The following STAP1 variants were observed in gnomAD, a reference collection of about 807,000 sequenced individuals.
The protein encoded by STAP1 is signal transducing adaptor family member 1.
STAP1 carries 30 observed loss-of-function variants against 37.8 expected under a neutral mutation model. The observed-to-expected ratio is 0.79, with a 90% CI of 0.59 to 1.08. The LOEUF (loss-of-function observed/expected upper bound fraction) is 1.08. Ranked by LOEUF, STAP1 falls within the 50% of genes least tolerant of loss-of-function variation. STAP1 has a pLI of 0.00. For missense variants in STAP1, 357 were observed against 349.4 expected (o/e 1.02, Z -0.17); for synonymous variants, 130 against 116.0 (o/e 1.12, Z -0.78).
At chr4:67,605,008 T>C (rs1330020263) in intron 8 of STAP1, among the ~76,000 whole-genome samples, 1 of 152,212 alleles carries the variant, frequency 6.6e-6, no homozygotes, top group African/African-American at 2.4e-5. Flanking sequence ...AGCCTGGAAT[T>C]TGTGTCACTT....
At chr4:67,584,116 A>AAAAAG in intron 6 of STAP1, among the ~76,000 whole-genome samples, 1 of 134,128 alleles carries the variant, frequency 7.5e-6, no homozygotes, top group South Asian at 2.3e-4. Flanking sequence ...AAAAAAAAAA[A>AAAAAG]GAACACAAGA....
chr4:67,588,347 C>T lies in STAP1; in HGVS notation c.660-2537C>T, dbSNP rs538915011. ...CCTCCCACAGCTTTGCCATAGACGACGACGACGATGATGATGATGATGATG... is the reference window on the plus strand; with the variant it reads ...CCTCCCACAGCTTTGCCATAGACGATGACGACGATGATGATGATGATGATG... On this transcript the variant is annotated intron_variant, in intron 6 of 8. Transcript: ENST00000265404. 1.9e-3 allele frequency among the ~76,000 whole-genome samples: 243 copies of T among 128,600 alleles called. 3 individuals are homozygous for T. The highest frequency in any genetic ancestry group is 3.5e-3 in the African/African-American group (136 of 38,662). The allele number at this position is 128,600 out of a possible 152,430, so 84.4% of individuals were successfully genotyped here. A position where few individuals can be genotyped will look rare whatever the true frequency, so the allele number is the denominator to read the frequency against.
At chr4:67,577,067 A>G in intron 3 of STAP1, 136 bp from the exon 4 acceptor site, 2 of 620,154 alleles carry the variant, frequency 3.2e-6, no homozygotes, top group South Asian at 3.5e-5. Context: ...TATTTCATAA[A>G]AAATACACAT....
intron 2 of STAP1, among the ~76,000 whole-genome samples, chr4:67,574,835 A>C (rs990067912): frequency 6.6e-6 from 1 of 152,212 alleles, no homozygotes; most frequent in African/African-American, 2.4e-5. Flanking sequence ...GGACATCAAC[A>C]AAATAATAAA....
At chr4:67,605,429 C>A (rs1728431165) in intron 8 of STAP1, among the ~76,000 whole-genome samples, 1 of 146,626 alleles carries the variant, frequency 6.8e-6, no homozygotes, top group Non-Finnish European at 1.5e-5. Context: ...TAGAAACAGA[C>A]AACCAGATTG....
In STAP1 at chr4:67,606,539, A is replaced by G. The variant is rs1308887707; in HGVS notation, c.*182A>G. ...TCATTATCTTATCAGAATGAAACCAATTCACAGGGAAACTAGAGACTACGG... is the reference window on the plus strand; with the variant it reads ...TCATTATCTTATCAGAATGAAACCAGTTCACAGGGAAACTAGAGACTACGG... On this transcript the variant is annotated 3_prime_UTR_variant, in exon 9 of 9. Transcript: ENST00000265404. 1.6e-5 allele frequency: 9 copies of G among 551,912 alleles called. No homozygotes were observed. Among genetic ancestry groups the G allele is most frequent in the Non-Finnish European group, 2.5e-5 (8 of 322,266 alleles). The allele number at this position is 551,912 out of a possible 1,614,324, so 34.2% of individuals were successfully genotyped here. A position where few individuals can be genotyped will look rare whatever the true frequency, so the allele number is the denominator to read the frequency against.
At position 67,606,590 on chromosome 4, in the gene STAP1, A is replaced by T. The variant is rs1728454209; in HGVS notation, c.*233A>T. On this transcript the variant is annotated 3_prime_UTR_variant, in exon 9 of 9. Coordinates refer to ENST00000265404, the MANE Select transcript of STAP1 (RefSeq NM_012108.4). ...CTGTGGTGGTAACCTGCAGATATAC[A>T]CATTCCCATGCACTGACATAAGTTG... 1 of 416,180 alleles carries T rather than the reference A, an allele frequency of 2.4e-6. No individual in the cohort carries two copies. Among genetic ancestry groups the T allele is most frequent in the Non-Finnish European group, 4.2e-6 (1 of 235,416 alleles). The allele number at this position is 416,180 out of a possible 1,614,324, so 25.8% of individuals were successfully genotyped here.
chr4:67,604,356 G>C (rs1014417230), intron 8 of STAP1, among the ~76,000 whole-genome samples: 1 of 152,096 alleles, frequency 6.6e-6, no homozygotes, highest in Non-Finnish European at 1.5e-5. Context: ...CCGGATTTTT[G>C]GTTCTTATTA....
At chr4:67,599,280 T>C (rs993146604) in intron 8 of STAP1, among the ~76,000 whole-genome samples, 1 of 152,208 alleles carries the variant, frequency 6.6e-6, no homozygotes, top group African/African-American at 2.4e-5. Flanking sequence ...CTTAGTAGGA[T>C]TGGTATTAGT....
intron 4 of STAP1, among the ~76,000 whole-genome samples, chr4:67,580,318 T>C (rs956355269): frequency 1.3e-5 from 2 of 152,366 alleles, no homozygotes; most frequent in South Asian, 2.1e-4. Flanking sequence ...TACTGGTTAT[T>C]ATCTTAGTTA....
At chr4:67,574,545 T>G (rs538401398) in intron 2 of STAP1, among the ~76,000 whole-genome samples, 2 of 152,342 alleles carry the variant, frequency 1.3e-5, no homozygotes, top group East Asian at 3.9e-4. Context: ...ATTTTTGTTC[T>G]ATTTAGAGTG....
chr4:67,590,580 G>T (rs941606575), intron 6 of STAP1, among the ~76,000 whole-genome samples: 9 of 151,978 alleles, frequency 5.9e-5, no homozygotes, highest in Admixed American at 3.3e-4. Flanking sequence ...GACATTAAAA[G>T]AATTATTTCT....
chr4:67,566,138 G>C (rs1046930640), intron 1 of STAP1, among the ~76,000 whole-genome samples: 1 of 151,848 alleles, frequency 6.6e-6, no homozygotes, highest in African/African-American at 2.4e-5. Context: ...AGTAGATACA[G>C]GGTTTCACCA....
chr4:67,593,584 G>C (rs1251342264), intron 8 of STAP1, among the ~76,000 whole-genome samples: 1 of 152,150 alleles, frequency 6.6e-6, no homozygotes, highest in Non-Finnish European at 1.5e-5. Flanking sequence ...AAACCCTGAG[G>C]TATGTAGTAT....
chr4:67,606,578 CT>C lies in STAP1; in HGVS notation c.*222del. 2.2e-6 allele frequency: 1 copy of C among 458,630 alleles called. No homozygotes were observed. Among genetic ancestry groups the C allele is most frequent in the Non-Finnish European group, 3.8e-6 (1 of 260,706 alleles). The allele number at this position is 458,630 out of a possible 1,614,324, so 28.4% of individuals were successfully genotyped here. A position where few individuals can be genotyped will look rare whatever the true frequency, so the allele number is the denominator to read the frequency against. On this transcript the variant is annotated 3_prime_UTR_variant, in exon 9 of 9. Coordinates refer to ENST00000265404, the MANE Select transcript of STAP1 (RefSeq NM_012108.4). Reference sequence around the variant, plus strand: ...TAGAGACTACGGCTGTGGTGGTAACCTGCAGATATACACATTCCCATGCACT... The same window carrying C: ...TAGAGACTACGGCTGTGGTGGTAACCGCAGATATACACATTCCCATGCACT...
intron 4 of STAP1, among the ~76,000 whole-genome samples, chr4:67,578,557 C>T (rs1157509332): frequency 6.6e-6 from 1 of 152,170 alleles, no homozygotes; most frequent in African/African-American, 2.4e-5. Context: ...GGGAATTGCA[C>T]TCTTTCCCTC....
intron 6 of STAP1, among the ~76,000 whole-genome samples, chr4:67,587,464 C>T (rs1264447692): frequency 1.3e-5 from 2 of 152,210 alleles, no homozygotes; most frequent in Non-Finnish European, 1.5e-5. Context: ...TATCATCCAC[C>T]TTTACCTAGC....
intron 8 of STAP1, among the ~76,000 whole-genome samples, chr4:67,595,686 C>A (rs1367949015): frequency 1.3e-5 from 2 of 152,176 alleles, no homozygotes; most frequent in Non-Finnish European, 2.9e-5. Flanking sequence ...CGTAGTAATT[C>A]TTGAAATTAG....
At chr4:67,568,985 C>A (rs1394242151) in intron 1 of STAP1, among the ~76,000 whole-genome samples, 1 of 152,184 alleles carries the variant, frequency 6.6e-6, no homozygotes, top group African/African-American at 2.4e-5. Context: ...AGTCACTTAA[C>A]AATGGGGATA....
Sources: gnomAD v4.1 joint callset for allele counts (sites outside exome capture counted in the v4.1 genomes callset) on GRCh38, gnomAD v4.1.1 for gene constraint, MANE v1.5 for transcripts, NCBI Gene and HGNC (gene_info 2026-07-23, HGNC 2026-07-21) for gene names.